Variants in DNAH5 observed in about 807,000 individuals in gnomAD.
DNAH5 encodes axonemal beta dynein heavy chain 5.
In DNAH5, 372 loss-of-function variants were observed where a neutral mutation model predicts 518.2. The observed-to-expected ratio is 0.72, with a 90% CI of 0.66 to 0.78. DNAH5 has a LOEUF of 0.78. Ranked by LOEUF, DNAH5 falls within the 30% of genes least tolerant of loss-of-function variation. The pLI is 0.00. For missense variants in DNAH5, 5,523 were observed against 5,687.0 expected (o/e 0.97, Z 0.93); for synonymous variants, 2,039 against 2,025.9 (o/e 1.01, Z -0.17).
chr5:13,994,929 C>T (rs556767954), intron 1 of DNAH5, among the ~76,000 whole-genome samples: 1 of 152,320 alleles, frequency 6.6e-6, no homozygotes, highest in East Asian at 1.9e-4. Flanking sequence ...ATCCATCACA[C>T]ATGAGTTTCA....
chr5:13,777,523 A>G (rs1053553073), intron 53 of DNAH5, among the ~76,000 whole-genome samples, 168 bp from the exon 54 acceptor site: 2 of 152,222 alleles, frequency 1.3e-5, no homozygotes, highest in Admixed American at 6.5e-5. Context: ...AAAAATCCAC[A>G]TTTCATAAAA....
chr5:13,889,877 C>G (rs2151947251), intron 17 of DNAH5, among the ~76,000 whole-genome samples: 1 of 152,274 alleles, frequency 6.6e-6, no homozygotes, highest in African/African-American at 2.4e-5. Flanking sequence ...CAACTACGTG[C>G]TGAGTTCCGT....
chr5:13,860,572 G>GATGTAATGGGTAGT (rs1768269565), intron 29 of DNAH5: 1 of 152,186 alleles, frequency 6.6e-6, no homozygotes, highest in Non-Finnish European at 1.5e-5. Context: ...AGTGGCATTG[G>GATGTAATGGGTAGT]ATGTAATGGG....
At chr5:13,792,834 C>T (rs1757210100) in intron 49 of DNAH5, among the ~76,000 whole-genome samples, 1 of 152,166 alleles carries the variant, frequency 6.6e-6, no homozygotes, top group Non-Finnish European at 1.5e-5. Flanking sequence ...TAGGGTAATC[C>T]TGATGAGCTT....
chr5:13,859,489 A>G lies in DNAH5; in HGVS notation c.4913T>C (p.Val1638Ala). 1 of 1,614,092 alleles carries G rather than the reference A, an allele frequency of 6.2e-7. No homozygotes were observed. Residue 1638 changes from valine (V) to alanine (A), a missense_variant, in exon 30 of 79, where the codon GTC becomes GCC. Physicochemically the swap from Val to Ala is moderately conservative, Grantham distance 64. This residue lies in a region of DNAH5 where 5,121 missense variants were observed against 5,223.3 expected (regional missense o/e 0.98). Transcript: ENST00000265104. ...CTTGGCAATGTCTCCTCCCACAAAG[A>G]CAGCTTCTAAATAAATCCACAGGTT... is the stretch of plus-strand genomic sequence containing the variant. ...VQNLWIYLEA[V>A]FVGGDIAKQL...
chr5:13,953,668 A>C (rs1023932606), intron 1 of DNAH5, among the ~76,000 whole-genome samples: 1 of 152,174 alleles, frequency 6.6e-6, no homozygotes, highest in Non-Finnish European at 1.5e-5. Context: ...ACTTTCAAAT[A>C]TTATATCATT....
At chr5:13,889,949 G>A (rs1416214639) in intron 17 of DNAH5, among the ~76,000 whole-genome samples, 1 of 152,132 alleles carries the variant, frequency 6.6e-6, no homozygotes, top group African/African-American at 2.4e-5. Flanking sequence ...TCATGATCAA[G>A]GAGTCCTTAT....
Position 13,713,465 on chromosome 5 carries a change from A to ATG in DNAH5, c.13125+939_13125+940insCA, listed in dbSNP as rs1554018884. Among the ~76,000 whole-genome samples, 3 of 119,436 alleles carry ATG rather than the reference A, an allele frequency of 2.5e-5. 1 individual carries two copies. The highest frequency in any genetic ancestry group is 1.2e-4 in the African/African-American group (3 of 24,114). The allele number at this position is 119,436 out of a possible 152,430, so 78.4% of individuals were successfully genotyped here. A position where few individuals can be genotyped will look rare whatever the true frequency, so the allele number is the denominator to read the frequency against. ...TATATATATATATATATATATATAT[A>ATG]TACACACACCGATATATATATATAT... is the stretch of plus-strand genomic sequence containing the variant. On this transcript the variant is annotated intron_variant, in intron 75 of 78. Transcript: ENST00000265104.
chr5:13,962,228 A>C (rs2152047996), intron 1 of DNAH5, among the ~76,000 whole-genome samples: 1 of 152,264 alleles, frequency 6.6e-6, no homozygotes, highest in African/African-American at 2.4e-5. Context: ...ATGATTGATA[A>C]GCACCTGACT....
chr5:13,847,591 G>A (rs1168405821), intron 31 of DNAH5, among the ~76,000 whole-genome samples: 66 of 152,016 alleles, frequency 4.3e-4, no homozygotes, highest in Non-Finnish European at 2.9e-5. Flanking sequence ...GGGCATGGTG[G>A]CATGCCCCTG....
rs543133704 is a variant in DNAH5, at chr5:13,890,133, G to A, written c.2577+843C>T. ...CGAAAAGTTAAATGAAGGGCCGGGCGCAGTGGCTCACGCCTGTAATCCCAG... is the reference window on the plus strand; with the variant it reads ...CGAAAAGTTAAATGAAGGGCCGGGCACAGTGGCTCACGCCTGTAATCCCAG... On this transcript the variant is annotated intron_variant, in intron 17 of 78. Coordinates refer to ENST00000265104, the MANE Select transcript of DNAH5 (RefSeq NM_001369.3). Among the ~76,000 whole-genome samples, 303 of 152,294 alleles carry A rather than the reference G, an allele frequency of 2.0e-3. 3 individuals carry two copies. The highest frequency in any genetic ancestry group is 4.6e-3 in the Admixed American group (70 of 15,294).
chr5:13,939,947 A>G (rs1246747912), intron 1 of DNAH5, among the ~76,000 whole-genome samples: 1 of 152,136 alleles, frequency 6.6e-6, no homozygotes, highest in African/African-American at 2.4e-5. Context: ...AAGAGATAGC[A>G]CTTAAGCGTG....
Position 13,871,852 on chromosome 5 carries a change from T to A in DNAH5, c.3397-87A>T, listed in dbSNP as rs1171806273. 2.3e-5 allele frequency: 27 copies of A among 1,161,848 alleles called. No individual in the cohort carries two copies. In the Admixed American group the frequency reaches 5.2e-4, roughly 22 times the overall value. 72.0% of individuals were successfully genotyped at this position (1,161,848 alleles called of 1,614,324 possible). On this transcript the variant is annotated intron_variant, in intron 22 of 78. Coordinates refer to ENST00000265104, the MANE Select transcript of DNAH5 (RefSeq NM_001369.3). ...TGAATATTTACCAACTGCTGGTGGT[T>A]CCTATGGATTTATTAAAATGTTTAG... is the stretch of plus-strand genomic sequence containing the variant.
chr5:13,850,763 C>T lies in DNAH5; in HGVS notation c.5003G>A (p.Arg1668Gln), dbSNP rs867205765. 15 of 1,613,966 alleles carry T rather than the reference C, an allele frequency of 9.3e-6. No homozygotes were observed. The highest frequency in any genetic ancestry group is 1.3e-5 in the African/African-American group (1 of 74,904). ...IDKSWVKIMT[R>Q]AHEVPSVVQC... ...GACTACACTGGGCACTTCATGTGCC[C>T]GAGTCATGATCTTCACCCAAGATTT... The change falls in exon 31 of 79, where the codon CGG becomes CAG. Residue 1668 changes from arginine (R) to glutamine (Q), a missense_variant. Physicochemically the swap from Arg to Gln is conservative, Grantham distance 43 (BLOSUM62 1). Coordinates refer to ENST00000265104, the MANE Select transcript of DNAH5 (RefSeq NM_001369.3).
chr5:13,908,731 C>T (rs1458875647), intron 12 of DNAH5, among the ~76,000 whole-genome samples: 1 of 152,168 alleles, frequency 6.6e-6, no homozygotes, highest in Non-Finnish European at 1.5e-5. Context: ...ATGCTGCCCT[C>T]TTTGACCTGT....
intron 31 of DNAH5, among the ~76,000 whole-genome samples, chr5:13,849,998 G>A (rs1481830762): frequency 6.6e-6 from 1 of 152,120 alleles, no homozygotes; most frequent in Non-Finnish European, 1.5e-5. Context: ...AGGCCATCAG[G>A]ATGTATTCAT....
chr5:14,000,224 G>C (rs1784253559), intron 1 of DNAH5, among the ~76,000 whole-genome samples: 1 of 152,206 alleles, frequency 6.6e-6, no homozygotes, highest in Non-Finnish European at 1.5e-5. Flanking sequence ...AAGCACAGAG[G>C]AAAGGCAATG....
In DNAH5 at chr5:13,817,556, G is replaced by T. The variant is rs761092823; in HGVS notation, c.6980C>A (p.Ala2327Glu). 7.6e-5 allele frequency: 122 copies of T among 1,613,738 alleles called. No homozygotes were observed. Among genetic ancestry groups the T allele is most frequent in the Middle Eastern group, 3.3e-4 (2 of 6,082 alleles). The change falls in exon 42 of 79, where the codon GCA becomes GAA. Residue 2327 changes from alanine (A) to glutamate (E), a missense_variant. By Grantham distance (107) the Ala-to-Glu change is moderately radical. This residue lies in a region of DNAH5 where 5,121 missense variants were observed against 5,223.3 expected (regional missense o/e 0.98). Coordinates refer to ENST00000265104, the MANE Select transcript of DNAH5 (RefSeq NM_001369.3). ...TGTAATTTATCTTCTACCTTTCTTT[G>T]CTCTTAATGTTTTCCTCCAAAGCGT... is the stretch of plus-strand genomic sequence containing the variant. ...FSTLWRKTLR[A>E]KKGEHIWIIL... is the part of the protein sequence containing the mutation.
At chr5:13,966,658 C>A (rs1421886643) in intron 1 of DNAH5, among the ~76,000 whole-genome samples, 1 of 152,046 alleles carries the variant, frequency 6.6e-6, no homozygotes, top group Admixed American at 6.5e-5. Flanking sequence ...TGTATATCTT[C>A]TTTTGAGAAT....
Sources: gnomAD v4.1 joint callset for allele counts (sites outside exome capture counted in the v4.1 genomes callset) on GRCh38, gnomAD v4.1.1 for gene constraint, gnomAD v4.1.1 regional missense constraint, MANE v1.5 for transcripts, NCBI Gene and HGNC (gene_info 2026-07-23, HGNC 2026-07-21) for gene names.